Variants in APP observed in about 807,000 individuals in gnomAD.
The protein encoded by APP is amyloid beta precursor protein, also known as amyloid-beta precursor protein.
Under a neutral mutation model 101.4 loss-of-function variants are expected in APP, and 31 were observed. The ratio of observed to expected loss-of-function variants is 0.31; its 90% CI spans 0.23 to 0.41. The LOEUF is 0.41. APP is among the 10% of genes least tolerant of loss of function. The pLI is 1.00. For synonymous variants in APP, 366 were observed against 364.4 expected (o/e 1.00, Z -0.05); for missense variants, 839 against 1,003.7 (o/e 0.84, Z 2.22).
chr21:25,894,914 C>G (rs866623694), intron 16 of APP, among the ~76,000 whole-genome samples: 4 of 152,164 alleles, frequency 2.6e-5, no homozygotes, highest in Non-Finnish European at 5.9e-5. Flanking sequence ...CAGCAAACTT[C>G]ATTATTGTCT....
intron 16 of APP, among the ~76,000 whole-genome samples, chr21:25,894,604 A>G (rs1041708045): frequency 5.9e-5 from 9 of 152,250 alleles, no homozygotes; most frequent in Admixed American, 4.6e-4. Context: ...AGTGGAGCCT[A>G]AAGACATGAC....
intron 6 of APP, among the ~76,000 whole-genome samples, chr21:26,016,912 T>G (rs1254550477): frequency 7.5e-6 from 1 of 132,886 alleles, no homozygotes; most frequent in Non-Finnish European, 1.5e-5. Context: ...CATGGTGGCC[T>G]GTATTCCCAG....
At chr21:25,943,461 T>C (rs966340706) in intron 13 of APP, among the ~76,000 whole-genome samples, 6 of 150,870 alleles carry the variant, frequency 4.0e-5, no homozygotes, top group African/African-American at 1.5e-4. Flanking sequence ...TTTTTTTTTT[T>C]TTCTCTTTTG....
At chr21:26,133,049 C>T (rs897067357) in intron 1 of APP, among the ~76,000 whole-genome samples, 11 of 151,988 alleles carry the variant, frequency 7.2e-5, no homozygotes, top group African/African-American at 2.7e-4. Context: ...CCAGCCTGGG[C>T]AACATGGCAA....
At chr21:26,095,371 G>A (rs543124168) in intron 2 of APP, among the ~76,000 whole-genome samples, 18 of 152,270 alleles carry the variant, frequency 1.2e-4, no homozygotes, top group African/African-American at 3.1e-4. Context: ...TTTGTCCAGC[G>A]TCTCCATGCT....
At chr21:25,897,825 A>C in intron 15 of APP, 152 bp from the exon 16 acceptor site, 2 of 670,808 alleles carry the variant, frequency 3.0e-6, no homozygotes, top group South Asian at 3.4e-5. Context: ...ATGATACCCT[A>C]TATTTAAAAC....
intron 14 of APP, among the ~76,000 whole-genome samples, chr21:25,909,549 A>C (rs1381532334): frequency 2.3e-5 from 1 of 42,898 alleles, no homozygotes; most frequent in Non-Finnish European, 4.2e-5. Flanking sequence ...GCTCAAATGG[A>C]CATCCTGGCA....
intron 1 of APP, among the ~76,000 whole-genome samples, chr21:26,138,526 CAA>C (rs10535530): frequency 0.4 from 56,779 of 140,712 alleles, 11,933 homozygotes; most frequent in African/African-American, 0.57. Context: ...TCTGTCTCTA[CAA>C]AAAAAAAAAA....
chr21:26,110,255 CA>C (rs1211179696), intron 2 of APP, among the ~76,000 whole-genome samples: 48 of 152,162 alleles, frequency 3.2e-4, no homozygotes, highest in African/African-American at 1.1e-3. Context: ...CCAGCCTGGC[CA>C]ATATGGTGAA....
chr21:26,159,649 C>T (rs1214648016), intron 1 of APP, among the ~76,000 whole-genome samples: 2 of 152,202 alleles, frequency 1.3e-5, no homozygotes, highest in East Asian at 1.9e-4. Flanking sequence ...ATCTAAATAA[C>T]TTCGCATGTG....
At position 25,980,116 on chromosome 21, in the gene APP, G is replaced by A. The variant is rs115407001; in HGVS notation, c.1224+2228C>T. Among the ~76,000 whole-genome samples the A allele has an allele frequency of 6.5e-3, 985 of 152,276 alleles. 11 individuals carry two copies. Among genetic ancestry groups the A allele is most frequent in the African/African-American group, 0.023 (962 of 41,558 alleles). ...GAAGCCCAAGATGAGATGAACAGACGATGAGCAGAGTGGCCTGATCAGAAC... is the reference window on the plus strand; with the variant it reads ...GAAGCCCAAGATGAGATGAACAGACAATGAGCAGAGTGGCCTGATCAGAAC... On this transcript the variant is annotated intron_variant, in intron 9 of 17. Transcript: ENST00000346798.
chr21:26,100,562 A>T (rs2062032669), intron 2 of APP, among the ~76,000 whole-genome samples: 1 of 152,242 alleles, frequency 6.6e-6, no homozygotes, highest in Non-Finnish European at 1.5e-5. Context: ...TTTTAATTTC[A>T]TACAACTGTA....
intron 5 of APP, among the ~76,000 whole-genome samples, chr21:26,049,386 T>C (rs1307371987): frequency 6.6e-6 from 1 of 152,110 alleles, no homozygotes; most frequent in Non-Finnish European, 1.5e-5. Context: ...TTGCAGAAAT[T>C]CACAATGGAT....
chr21:25,893,385 A>T (rs2037822790), intron 16 of APP, among the ~76,000 whole-genome samples: 3 of 152,352 alleles, frequency 2.0e-5, no homozygotes, highest in South Asian at 4.1e-4. Flanking sequence ...AGAAATAATT[A>T]AGCTTAGTGG....
At chr21:26,037,398 A>G (rs1216731043) in intron 5 of APP, among the ~76,000 whole-genome samples, 1 of 152,216 alleles carries the variant, frequency 6.6e-6, no homozygotes, top group Non-Finnish European at 1.5e-5. Flanking sequence ...AAGAAATGAT[A>G]CATGCCTGAG....
intron 5 of APP, among the ~76,000 whole-genome samples, chr21:26,028,412 G>A (rs942455950): frequency 6.6e-6 from 1 of 152,158 alleles, no homozygotes; most frequent in African/African-American, 2.4e-5. Flanking sequence ...AGAGGCATCT[G>A]AGTTGGCCGG....
intron 17 of APP, 42 bp from the exon 18 acceptor site, chr21:25,881,813 T>C: frequency 6.3e-7 from 1 of 1,577,564 alleles, no homozygotes; most frequent in Non-Finnish European, 8.7e-7. Flanking sequence ...TAAAAATCAA[T>C]CTTTTAAGGG....
At chr21:25,970,207 G>A (rs1047492748) in intron 11 of APP, among the ~76,000 whole-genome samples, 2 of 151,774 alleles carry the variant, frequency 1.3e-5, no homozygotes, top group Non-Finnish European at 2.9e-5. Flanking sequence ...CAATAAGCAC[G>A]ATTACAACCA....
intron 5 of APP, among the ~76,000 whole-genome samples, chr21:26,027,557 G>A (rs868337387): frequency 6.6e-6 from 1 of 152,164 alleles, no homozygotes; most frequent in Non-Finnish European, 1.5e-5. Flanking sequence ...CGAAACACAA[G>A]GGGACACATC....
Sources: allele counts gnomAD v4.1 joint callset (sites outside exome capture counted in the v4.1 genomes callset), GRCh38; gene constraint gnomAD v4.1.1; transcripts MANE v1.5; gene names NCBI Gene and HGNC (gene_info 2026-07-23, HGNC 2026-07-21).